Variants in COPZ1 observed in about 807,000 individuals in gnomAD.
COPZ1 encodes the protein coat protein complex I subunit zeta 1.
Under a neutral mutation model 31.7 loss-of-function variants are expected in COPZ1, and 4 were observed. That is an observed-to-expected ratio of 0.13 (90% CI 0.06 to 0.29). The LOEUF is 0.29. Among genes scored for constraint, COPZ1 ranks in the 10% least tolerant of loss-of-function variants. COPZ1 has a pLI of 1.00. For missense variants in COPZ1, 156 were observed against 211.5 expected, an observed-to-expected ratio of 0.74 and a Z score of 1.63; for synonymous variants, 74 against 79.0, an observed-to-expected ratio of 0.94 and a Z score of 0.33.
chr12:54,327,771 A>G (rs1265935854), intron 1 of COPZ1, among the ~76,000 whole-genome samples: 2 of 152,124 alleles, frequency 1.3e-5, no homozygotes, highest in Non-Finnish European at 1.5e-5. Flanking sequence ...CTCTAAAAAA[A>G]TAAGAATAAA....
chr12:54,342,649 A>C (rs545279975), intron 3 of COPZ1: 1 of 245,910 alleles, frequency 4.1e-6, no homozygotes, highest in Non-Finnish European at 8.0e-6. Context: ...ATCCTGTCTC[A>C]TATACAAGTA....
intron 4 of COPZ1, 51 bp from the exon 5 acceptor site, chr12:54,345,409 A>C: frequency 7.1e-7 from 1 of 1,418,194 alleles, no homozygotes; most frequent in South Asian, 1.2e-5. Context: ...TTTAGGTAGC[A>C]GCTTTCAGGG....
chr12:54,326,640 G>GGTGT (rs71070816), intron 1 of COPZ1, among the ~76,000 whole-genome samples: 17,932 of 134,444 alleles, frequency 0.13, 1,455 homozygotes, highest in Non-Finnish European at 0.2. Context: ...GATTTGGAGG[G>GGTGT]GTGTGTGTGT....
At chr12:54,335,977 C>T (rs1219389496) in intron 1 of COPZ1, among the ~76,000 whole-genome samples, 1 of 152,108 alleles carries the variant, frequency 6.6e-6, no homozygotes, top group Non-Finnish European at 1.5e-5. Context: ...TGCGCCTGGC[C>T]TCCATATTCT....
chr12:54,326,124 A>AATTATTATT lies in COPZ1; in HGVS notation c.18+965_18+973dup, dbSNP rs377508362. Among the ~76,000 whole-genome samples the AATTATTATT allele has an allele frequency of 3.8e-3, 524 of 139,164 alleles. 3 individuals carry two copies. Among genetic ancestry groups the AATTATTATT allele is most frequent in the African/African-American group, 6.7e-3 (254 of 37,678 alleles). 91.3% of individuals were successfully genotyped at this position (139,164 alleles called of 152,430 possible). On this transcript the variant is annotated intron_variant, in intron 1 of 8. Transcript: ENST00000262061. ...GCTTGAACCACCGCGCCTGGCCAGG[A>AATTATTATT]ATTATTATTATTATTATTATTATTA...
chr12:54,340,336 T>C (rs1390836185), intron 1 of COPZ1: 2 of 686,872 alleles, frequency 2.9e-6, no homozygotes, highest in Non-Finnish European at 4.5e-6. Flanking sequence ...TACTTTGGAA[T>C]CCTTTGTTTA....
intron 1 of COPZ1, among the ~76,000 whole-genome samples, chr12:54,339,489 A>C (rs566337854): frequency 6.6e-6 from 1 of 152,076 alleles, no homozygotes; most frequent in South Asian, 2.1e-4. Flanking sequence ...CTAGGACTAT[A>C]GATGCACGCC....
intron 2 of COPZ1, 91 bp downstream of exon 2, chr12:54,340,706 C>T: frequency 7.8e-7 from 1 of 1,286,042 alleles, no homozygotes; most frequent in Admixed American, 2.3e-5. Flanking sequence ...AACTTATGTT[C>T]CTCAGTAGTA....
chr12:54,347,021 C>A (rs1954075949), intron 5 of COPZ1, among the ~76,000 whole-genome samples: 2 of 152,156 alleles, frequency 1.3e-5, no homozygotes, highest in African/African-American at 2.4e-5. Context: ...TTCATTCCCC[C>A]AGCAGCTCCC....
rs1005744130 is a variant in COPZ1, at chr12:54,345,362, G to A, written c.262-98G>A. ...TGTTTTTGGTCCTTTGTGAAAGCCT[G>A]TGTCTTTTGATGTTTAATGAATTAG... On this transcript the variant is annotated intron_variant, in intron 4 of 8. Transcript: ENST00000262061. The A allele has an allele frequency of 1.1e-5, 9 of 814,390 alleles. No individual in the cohort carries two copies. The African/African-American group carries it at 1.4e-4, about 12-fold the overall frequency. The allele number at this position is 814,390 out of a possible 1,614,324, so 50.4% of individuals were successfully genotyped here. A position where few individuals can be genotyped will look rare whatever the true frequency, so the allele number is the denominator to read the frequency against.
intron 1 of COPZ1, among the ~76,000 whole-genome samples, chr12:54,329,169 G>T (rs1953710307): frequency 6.6e-6 from 1 of 152,128 alleles, no homozygotes; most frequent in Non-Finnish European, 1.5e-5. Context: ...CTCTCTTGCT[G>T]TATCTGCTGG....
At chr12:54,328,506 C>T (rs988709104) in intron 1 of COPZ1, among the ~76,000 whole-genome samples, 6 of 151,774 alleles carry the variant, frequency 4.0e-5, no homozygotes, top group African/African-American at 1.2e-4. Context: ...GCAGAGGTCG[C>T]GGTGAGCCGA....
rs1246754590 is a variant in COPZ1 at position 54,345,449 on chromosome 12, T to C, written c.262-11T>C. Reference sequence around the variant, plus strand: ...GAACCTTATCCTTCTGCCTCCTCTGTTTCCCAACAGCTGATGCTTATGGCT... The same window carrying C: ...GAACCTTATCCTTCTGCCTCCTCTGCTTCCCAACAGCTGATGCTTATGGCT... On this transcript the variant is annotated splice_polypyrimidine_tract_variant and intron_variant, in intron 4 of 8. Transcript: ENST00000262061. The C allele has an allele frequency of 6.2e-7, 1 of 1,612,002 alleles. No homozygotes were observed. Among genetic ancestry groups the C allele is most frequent in the African/African-American group, 1.3e-5 (1 of 75,008 alleles).
At chr12:54,326,769 G>C (rs745527718) in intron 1 of COPZ1, among the ~76,000 whole-genome samples, 1 of 150,486 alleles carries the variant, frequency 6.6e-6, no homozygotes, top group Non-Finnish European at 1.5e-5. Flanking sequence ...AAAGAAGCTT[G>C]TCTTTTATTT....
intron 8 of COPZ1, chr12:54,350,214 G>T (rs1307137159): frequency 1.4e-6 from 1 of 699,960 alleles, no homozygotes; most frequent in South Asian, 1.5e-5. Context: ...CATATGTCCA[G>T]TAACTCCCTT....
intron 7 of COPZ1, chr12:54,348,266 A>G (rs1483332171): frequency 1.8e-6 from 1 of 565,844 alleles, no homozygotes; most frequent in East Asian, 2.8e-5. Flanking sequence ...TATGGTGCCT[A>G]ACATCTCATA....
chr12:54,332,454 T>C (rs1011837821), intron 1 of COPZ1, among the ~76,000 whole-genome samples: 1 of 151,252 alleles, frequency 6.6e-6, no homozygotes, highest in African/African-American at 2.4e-5. Context: ...AAGCTGGAGG[T>C]GGCTGGGCAT....
intron 1 of COPZ1, chr12:54,337,347 A>G (rs1169976771): frequency 1.9e-6 from 1 of 528,848 alleles, no homozygotes; most frequent in East Asian, 5.5e-5. Flanking sequence ...GGAGGGAAGA[A>G]TAGACCTTTT....
chr12:54,335,268 C>A (rs1469804466), intron 1 of COPZ1, among the ~76,000 whole-genome samples: 6 of 151,242 alleles, frequency 4.0e-5, no homozygotes, highest in Non-Finnish European at 8.8e-5. Context: ...CTAGGAATTT[C>A]TCCTTCTAGT....
Sources: gnomAD v4.1 joint callset for allele counts (sites outside exome capture counted in the v4.1 genomes callset) on GRCh38, gnomAD v4.1.1 for gene constraint, MANE v1.5 for transcripts, NCBI Gene and HGNC (gene_info 2026-07-23, HGNC 2026-07-21) for gene names.